SMARCD1: variants seen among roughly 807,000 people sequenced by gnomAD.
SMARCD1 encodes the protein SWI/SNF related BAF chromatin remodeling complex subunit D1.
In SMARCD1, 16 loss-of-function variants were observed where a neutral mutation model predicts 70.8. The observed-to-expected ratio is 0.23, with a 90% CI of 0.15 to 0.34. The LOEUF is 0.34. Among genes scored for constraint, SMARCD1 ranks in the 10% least tolerant of loss-of-function variants. The probability of loss-of-function intolerance (pLI) is 1.00; values close to 1 mark genes in which losing one functional copy is unlikely to be tolerated. For missense variants in SMARCD1, 409 were observed against 655.5 expected, an observed-to-expected ratio of 0.62 and a Z score of 4.11; for synonymous variants, 249 against 246.0, an observed-to-expected ratio of 1.01 and a Z score of -0.11.
chr12:50,086,430 G>A (rs1315787164), intron 2 of SMARCD1, 82 bp downstream of exon 2: 21 of 1,325,932 alleles, frequency 1.6e-5, no homozygotes, highest in Non-Finnish European at 2.2e-5. Context: ...CCAAGAAGTG[G>A]TGGTGCTGTG....
intron 9 of SMARCD1, among the ~76,000 whole-genome samples, chr12:50,093,401 T>G (rs1372817793): frequency 1.3e-5 from 2 of 152,016 alleles, no homozygotes; most frequent in African/African-American, 4.8e-5. Context: ...TGGCCTTGAG[T>G]GATCTGCCCG....
Position 50,085,491 on chromosome 12 carries a change from GC to G in SMARCD1, c.125del (p.Pro42ArgfsTer28). On this transcript the variant is annotated frameshift_variant, in exon 1 of 13. Transcript: ENST00000394963. LOFTEE classifies it high-confidence loss of function. ...ACTCCGGGGCCTCCTGTGCGAATGG[GC>G]CCGGCTCCGGGTCAAGGGCTGTACC... ...GGTPGPPVRM[G>X]PAPGQGLYRS... is the part of the protein sequence containing the mutation. The G allele has an allele frequency of 8.1e-7, 1 of 1,239,364 alleles. No individual in the cohort carries two copies. The allele number at this position is 1,239,364 out of a possible 1,614,324, so 76.8% of individuals were successfully genotyped here.
intron 1 of SMARCD1, 83 bp from the exon 2 acceptor site, chr12:50,086,078 A>G (rs998378634): frequency 2.0e-4 from 214 of 1,082,834 alleles, no homozygotes; most frequent in Non-Finnish European, 2.4e-4. Context: ...TCATTCAAAG[A>G]TCTCAGGCGT....
At chr12:50,088,481 C>T (rs2137878435) in intron 5 of SMARCD1, 40 bp from the exon 6 acceptor site, 3 of 1,153,360 alleles carry the variant, frequency 2.6e-6, no homozygotes, top group South Asian at 2.8e-5. Context: ...GAAGTTTCTT[C>T]TGGCCTTTCC....
chr12:50,090,183 A>T, intron 7 of SMARCD1, 58 bp from the exon 8 acceptor site: 2 of 1,496,416 alleles, frequency 1.3e-6, no homozygotes, highest in Middle Eastern at 3.7e-4. Flanking sequence ...GCTTGAATGT[A>T]TTGCTGCATA....
In SMARCD1 at chr12:50,086,151, C is replaced by G; in HGVS notation, c.178-10C>G. Reference sequence around the variant, plus strand: ...AACCATGACATCTCTGGGTCCTCTCCCCTCTGTAGAGACCAGGTATGTTGC... The same window carrying G: ...AACCATGACATCTCTGGGTCCTCTCGCCTCTGTAGAGACCAGGTATGTTGC... On this transcript the variant is annotated splice_polypyrimidine_tract_variant and intron_variant, in intron 1 of 12. Transcript: ENST00000394963. The G allele has an allele frequency of 6.7e-7, 1 of 1,490,514 alleles. No individual in the cohort carries two copies. The highest frequency in any genetic ancestry group is 9.0e-7 in the Non-Finnish European group (1 of 1,113,424). The allele number at this position is 1,490,514 out of a possible 1,614,324, so 92.3% of individuals were successfully genotyped here.
intron 11 of SMARCD1, among the ~76,000 whole-genome samples, chr12:50,097,312 A>C (rs751476614): frequency 1.3e-5 from 2 of 152,212 alleles, no homozygotes; most frequent in African/African-American, 2.4e-5. Context: ...GCACTTTGGG[A>C]GGCCGAGGCC....
intron 9 of SMARCD1, among the ~76,000 whole-genome samples, chr12:50,091,633 A>G (rs922789215): frequency 1.3e-5 from 2 of 151,032 alleles, no homozygotes; most frequent in African/African-American, 4.9e-5. Context: ...CTGGTGTGCA[A>G]TGGCATGATC....
At chr12:50,091,565 G>A (rs925304687) in intron 9 of SMARCD1, among the ~76,000 whole-genome samples, 2 of 151,968 alleles carry the variant, frequency 1.3e-5, no homozygotes, top group African/African-American at 4.8e-5. Flanking sequence ...GTGAGCCACC[G>A]CGCCCGGCCT....
At chr12:50,090,102 G>A in intron 7 of SMARCD1, 117 bp downstream of exon 7, 4 of 1,270,466 alleles carry the variant, frequency 3.1e-6, no homozygotes, top group Non-Finnish European at 4.5e-6. Context: ...CAGAGATAGA[G>A]TCTTAGTCAT....
At chr12:50,086,096 T>G in intron 1 of SMARCD1, 65 bp from the exon 2 acceptor site, 1 of 1,274,914 alleles carries the variant, frequency 7.8e-7, no homozygotes, top group Non-Finnish European at 1.1e-6. Context: ...CGTTCCCTGC[T>G]TTTCTTTCTT....
chr12:50,096,920 A>G lies in SMARCD1; in HGVS notation c.1340A>G (p.Asp447Gly), dbSNP rs1950898086. 1 of 1,613,920 alleles carries G rather than the reference A, an allele frequency of 6.2e-7. No individual in the cohort carries two copies. Among genetic ancestry groups the G allele is most frequent in the Non-Finnish European group, 8.5e-7 (1 of 1,179,928 alleles). The change falls in exon 11 of 13, where the codon GAC becomes GGC. Residue 447 changes from aspartate to glycine, a missense_variant. Around this residue, in one of 2 missense-constraint regions of SMARCD1, gnomAD observed 269 missense variants for 498.6 expected, o/e 0.54. Transcript: ENST00000394963. ...QREFMLSFAR[D>G]PQGFINDWLQ... is the part of the protein sequence containing the mutation. Reference sequence around the variant, plus strand: ...GAGTTCATGCTGAGCTTTGCCAGAGACCCTCAGGGTTTCATCAATGACTGG... The same window carrying G: ...GAGTTCATGCTGAGCTTTGCCAGAGGCCCTCAGGGTTTCATCAATGACTGG...
At chr12:50,088,677 G>C in intron 6 of SMARCD1, 40 bp downstream of exon 6, 1 of 1,136,012 alleles carries the variant, frequency 8.8e-7, no homozygotes, top group Admixed American at 2.0e-5. Context: ...TCTGATTGGA[G>C]GATGATGGAC....
At position 50,087,422 on chromosome 12, in the gene SMARCD1, C is replaced by G. The variant is rs534953232; in HGVS notation, c.591C>G (p.Ala197=). The G allele has an allele frequency of 6.2e-7, 1 of 1,614,058 alleles. No homozygotes were observed. The highest frequency in any genetic ancestry group is 8.5e-7 in the Non-Finnish European group (1 of 1,179,970). The change falls in exon 5 of 13, where the codon GCC becomes GCG. Residue 197 remains alanine (A), a synonymous_variant. Coordinates refer to ENST00000394963, the MANE Select transcript of SMARCD1 (RefSeq NM_003076.5). The part of the protein sequence containing the change: ...SNTFNPAKSD[A]EDGEGTVASW... ...CTTTCAATCCGGCTAAGTCAGATGCCGAGGATGGGGAAGGGACGGTGGCTT... is the reference window on the plus strand; with the variant it reads ...CTTTCAATCCGGCTAAGTCAGATGCGGAGGATGGGGAAGGGACGGTGGCTT...
At chr12:50,086,707 A>T (rs1447836420) in intron 3 of SMARCD1, 44 bp downstream of exon 3, 1 of 1,613,970 alleles carries the variant, frequency 6.2e-7, no homozygotes, top group Non-Finnish European at 8.5e-7. Flanking sequence ...GGTGAGTTTG[A>T]GTATAGAGAT....
intron 9 of SMARCD1, 62 bp from the exon 10 acceptor site, chr12:50,094,375 C>T: frequency 2.0e-6 from 3 of 1,526,382 alleles, no homozygotes; most frequent in East Asian, 2.3e-5. Flanking sequence ...ATCTTTTTGA[C>T]CCTGTGTAAT....
intron 9 of SMARCD1, among the ~76,000 whole-genome samples, chr12:50,092,108 A>AG (rs1950849191): frequency 6.6e-6 from 1 of 152,180 alleles, no homozygotes; most frequent in Non-Finnish European, 1.5e-5. Flanking sequence ...ATCTCTAGAT[A>AG]GGGGGTGAAG....
At chr12:50,098,435 C>A (rs998300911) in intron 11 of SMARCD1, 1 of 438,656 alleles carries the variant, frequency 2.3e-6, no homozygotes, top group Non-Finnish European at 4.1e-6. Context: ...TGTGACTTCA[C>A]GTTGTCTTCC....
intron 11 of SMARCD1, 96 bp downstream of exon 11, chr12:50,097,068 G>A (rs1031094740): frequency 1.4e-4 from 176 of 1,240,568 alleles, no homozygotes; most frequent in Non-Finnish European, 1.8e-4. Flanking sequence ...AGAGGAAGGA[G>A]TGAGGGGCCA....
Sources: gnomAD v4.1 joint callset for allele counts (sites outside exome capture counted in the v4.1 genomes callset) on GRCh38, gnomAD v4.1.1 for gene constraint, gnomAD v4.1.1 regional missense constraint, MANE v1.5 for transcripts, NCBI Gene and HGNC (gene_info 2026-07-23, HGNC 2026-07-21) for gene names.